DOLPP1: variants seen among roughly 807,000 people sequenced by gnomAD.
DOLPP1 encodes the protein dolichyldiphosphatase 1, also known as dolichyl pyrophosphate phosphatase 1.
DOLPP1 carries 15 observed loss-of-function variants against 34.1 expected under a neutral mutation model. The ratio of observed to expected loss-of-function variants is 0.44; its 90% CI spans 0.29 to 0.68. DOLPP1 has a LOEUF of 0.68. DOLPP1 is among the 30% of genes least tolerant of loss of function. The pLI is 0.12. For missense variants in DOLPP1, 249 were observed against 307.1 expected, an observed-to-expected ratio of 0.81 and a Z score of 1.41; for synonymous variants, 130 against 128.2, an observed-to-expected ratio of 1.01 and a Z score of -0.10.
chr9:129,086,107 T>C, intron 5 of DOLPP1, 32 bp from the exon 6 acceptor site: 3 of 1,608,526 alleles, frequency 1.9e-6, no homozygotes, highest in Non-Finnish European at 2.5e-6. Flanking sequence ...TCTGACTGGC[T>C]CTCACATACT....
intron 6 of DOLPP1, among the ~76,000 whole-genome samples, 198 bp from the exon 7 acceptor site, chr9:129,086,511 G>A (rs969188294): frequency 1.3e-5 from 2 of 152,184 alleles, no homozygotes; most frequent in Non-Finnish European, 2.9e-5. Context: ...TGTGTGTGCC[G>A]TGGGACAGTG....
At position 129,088,989 on chromosome 9, in the gene DOLPP1, G is replaced by C; in HGVS notation, c.699G>C (p.Leu233=). Residue 233 remains leucine (L), a synonymous_variant, in exon 8 of 8, where the codon CTG becomes CTC. Coordinates refer to ENST00000372546, the MANE Select transcript of DOLPP1 (RefSeq NM_020438.5). ...TTTGCAGGAACAGACAACGCAAGCTGGGGACGAAACTGCAGTGACCAGTGG... is the reference window on the plus strand; with the variant it reads ...TTTGCAGGAACAGACAACGCAAGCTCGGGACGAAACTGCAGTGACCAGTGG... ...RAEARNRQRK[L]GTKLQ is the part of the protein sequence containing the mutation. 6.2e-7 allele frequency: 1 copy of C among 1,613,920 alleles called. No homozygotes were observed. The highest frequency in any genetic ancestry group is 1.1e-5 in the South Asian group (1 of 91,084).
intron 6 of DOLPP1, among the ~76,000 whole-genome samples, chr9:129,086,497 G>A (rs756245357): frequency 5.3e-5 from 8 of 152,212 alleles, no homozygotes; most frequent in Admixed American, 1.3e-4. Context: ...GAGTCCTGCT[G>A]GGCTGTGTGT....
At chr9:129,081,550 C>T (rs1846890369) in intron 1 of DOLPP1, among the ~76,000 whole-genome samples, 1 of 152,224 alleles carries the variant, frequency 6.6e-6, no homozygotes, top group African/African-American at 2.4e-5. Context: ...CCCCGCCCTC[C>T]CCTGTCCCAG....
chr9:129,086,373 G>T (rs1846989169), intron 6 of DOLPP1, 106 bp downstream of exon 6: 1 of 1,415,326 alleles, frequency 7.1e-7, no homozygotes, highest in East Asian at 2.4e-5. Flanking sequence ...CTGTCTCCCT[G>T]GGAAGGCCCC....
At chr9:129,084,971 A>G in intron 2 of DOLPP1, 52 bp from the exon 3 acceptor site, 1 of 1,534,406 alleles carries the variant, frequency 6.5e-7, no homozygotes, top group African/African-American at 1.4e-5. Context: ...GGGACTAGGT[A>G]GCAGCCAACA....
Position 129,085,034 on chromosome 9 carries a change from T to C in DOLPP1, c.189T>C (p.Leu63=). ...GTCTTCCCCAGCAGATCTCCTTCCTTGGGGGCCTGGCACTGAACGAGGGGG... is the reference window on the plus strand; with the variant it reads ...GTCTTCCCCAGCAGATCTCCTTCCTCGGGGGCCTGGCACTGAACGAGGGGG... ...FKRELHTISF[L]GGLALNEGVN... Residue 63 remains leucine (L), a synonymous_variant, in exon 3 of 8, where the codon CTT becomes CTC. Coordinates refer to ENST00000372546, the MANE Select transcript of DOLPP1 (RefSeq NM_020438.5). This position sits in a 1 kb window ranked among gnomAD's most constrained non-coding sequence, Gnocchi z 7.0. 1.3e-6 allele frequency: 2 copies of C among 1,569,972 alleles called. No homozygotes were observed. Among genetic ancestry groups the C allele is most frequent in the East Asian group, 2.2e-5 (1 of 44,578 alleles).
At position 129,085,346 on chromosome 9, in the gene DOLPP1, C is replaced by T. The variant is rs769980861; in HGVS notation, c.362+40C>T. 6 of 1,586,574 alleles carry T rather than the reference C, an allele frequency of 3.8e-6. No homozygotes were observed. The Admixed American group carries it at 8.3e-5, about 22-fold the overall frequency. On this transcript the variant is annotated intron_variant, in intron 4 of 7. Coordinates refer to ENST00000372546, the MANE Select transcript of DOLPP1 (RefSeq NM_020438.5). The surrounding 1 kb of genome is among the most constrained non-coding windows in gnomAD (Gnocchi z 7.0). ...CGGTCAGGATGGCCCTGAACTTGCT[C>T]AGGCCGAGTTCTGCTAGGGACTCAC...
chr9:129,084,589 C>A, intron 1 of DOLPP1, 79 bp from the exon 2 acceptor site: 1 of 1,050,202 alleles, frequency 9.5e-7, no homozygotes. Flanking sequence ...CTTTCTGGAT[C>A]AGGCCTTACT....
Position 129,089,753 on chromosome 9 carries a change from A to G in DOLPP1, c.*746A>G, listed in dbSNP as rs983847147. 3.9e-5 allele frequency: 6 copies of G among 152,754 alleles called. No homozygotes were observed. The highest frequency in any genetic ancestry group is 1.4e-4 in the African/African-American group (6 of 41,478). 9.5% of individuals were successfully genotyped at this position (152,754 alleles called of 1,614,324 possible). On this transcript the variant is annotated 3_prime_UTR_variant, in exon 8 of 8. Transcript: ENST00000372546. The surrounding 1 kb of genome is among the most constrained non-coding windows in gnomAD (Gnocchi z 4.9). ...ATCGCTTTCTGACAAAGGAGCCTGC[A>G]CATTTGGGTGAGCAGACCCAAGCTG...
chr9:129,086,854 C>T (rs1313645521), intron 7 of DOLPP1, 56 bp downstream of exon 7: 1 of 1,519,040 alleles, frequency 6.6e-7, no homozygotes, highest in Non-Finnish European at 9.1e-7. Context: ...CCTCTGCCTC[C>T]ATGTTTGGAG....
intron 1 of DOLPP1, 32 bp from the exon 2 acceptor site, chr9:129,084,636 T>C (rs765070797): frequency 1.4e-6 from 2 of 1,461,436 alleles, no homozygotes; most frequent in Non-Finnish European, 1.9e-6. Flanking sequence ...GCCTGTGCCC[T>C]GTCCTCCTGA....
In DOLPP1 at chr9:129,084,679, G is replaced by A. The variant is rs1436134802; in HGVS notation, c.88G>A (p.Gly30Ser). Reference sequence around the variant, plus strand: ...CTCTGTCTTGCCAGGTGATCTCTCTGGCCACCTCCTTGCCTACCTGAGCCT... The same window carrying A: ...CTCTGTCTTGCCAGGTGATCTCTCTAGCCACCTCCTTGCCTACCTGAGCCT... ...HVEYPAGDLS[G>S]HLLAYLSLSP... is the part of the protein sequence containing the mutation. Residue 30 changes from glycine (G) to serine (S), a missense_variant, in exon 2 of 8, where the codon GGC (glycine) becomes AGC (serine). Physicochemically the swap from Gly to Ser is moderately conservative, Grantham distance 56. Transcript: ENST00000372546. 2 of 1,612,128 alleles carry A rather than the reference G, an allele frequency of 1.2e-6. No individual in the cohort carries two copies. Among genetic ancestry groups the A allele is most frequent in the Non-Finnish European group, 1.7e-6 (2 of 1,178,278 alleles).
rs1438813038 is a variant in DOLPP1 at position 129,090,276 on chromosome 9, G to A, written c.*1269G>A. On this transcript the variant is annotated 3_prime_UTR_variant, in exon 8 of 8. Transcript: ENST00000372546. The stretch of plus-strand genomic sequence containing the variant: ...AAAGCCATTCCAGATGCCAAGACCA[G>A]GGGCTTATTTCTAGGGAAGGTAGGT... The A allele has an allele frequency of 1.3e-5, 2 of 152,630 alleles. No individual in the cohort carries two copies. Among genetic ancestry groups the A allele is most frequent in the Non-Finnish European group, 2.9e-5 (2 of 68,036 alleles). The allele number at this position is 152,630 out of a possible 1,614,324, so 9.5% of individuals were successfully genotyped here.
chr9:129,086,084 G>C (rs1274881351), intron 5 of DOLPP1, 55 bp from the exon 6 acceptor site: 10 of 1,584,268 alleles, frequency 6.3e-6, no homozygotes, highest in Middle Eastern at 1.8e-4. Context: ...AGTGGGGATT[G>C]TGCGGGCCTG....
chr9:129,081,331 G>T (rs1254050695), intron 1 of DOLPP1, 124 bp downstream of exon 1: 4 of 1,228,584 alleles, frequency 3.3e-6, no homozygotes, highest in Non-Finnish European at 2.2e-6. Context: ...GTCAAATAGT[G>T]AACCACGGAG....
chr9:129,088,058 C>T (rs1048310754), intron 7 of DOLPP1, among the ~76,000 whole-genome samples: 13 of 150,460 alleles, frequency 8.6e-5, no homozygotes, highest in East Asian at 2.0e-4. Flanking sequence ...AGAGCTGCGA[C>T]GCACCTGCCT....
chr9:129,087,877 T>C (rs952585078), intron 7 of DOLPP1, among the ~76,000 whole-genome samples: 5 of 151,322 alleles, frequency 3.3e-5, no homozygotes, highest in Admixed American at 2.6e-4. Flanking sequence ...GCCCCGCTGA[T>C]CTCTCACTGG....
intron 7 of DOLPP1, among the ~76,000 whole-genome samples, chr9:129,088,729 C>T (rs966276062): frequency 2.6e-5 from 4 of 152,196 alleles, no homozygotes; most frequent in Non-Finnish European, 5.9e-5. Context: ...TGCTCCAATC[C>T]CCTGGCTCCA....
Sources: gnomAD v4.1 joint callset for allele counts (sites outside exome capture counted in the v4.1 genomes callset) on GRCh38, gnomAD v4.1.1 for gene constraint, Gnocchi (gnomAD v3.1) non-coding constraint, MANE v1.5 for transcripts, NCBI Gene and HGNC (gene_info 2026-07-23, HGNC 2026-07-21) for gene names.